MBTPS1: variants seen among roughly 807,000 people sequenced by gnomAD.
MBTPS1 encodes membrane-bound transcription factor site-1 protease.
MBTPS1 carries 94 observed loss-of-function variants against 127.8 expected under a neutral mutation model. That is an observed-to-expected ratio of 0.74 (90% confidence interval 0.62 to 0.87). The LOEUF (loss-of-function observed/expected upper bound fraction) is 0.87. MBTPS1 is among the 40% of genes least tolerant of loss of function. The pLI is 0.00. For synonymous variants in MBTPS1, 632 were observed against 509.4 expected (o/e 1.24, Z -3.24); for missense variants, 1,636 against 1,353.2 (o/e 1.21, Z -3.28).
At chr16:84,096,546 C>T (rs1012404088) in intron 3 of MBTPS1, among the ~76,000 whole-genome samples, 9 of 152,156 alleles carry the variant, frequency 5.9e-5, no homozygotes, top group African/African-American at 1.9e-4. Flanking sequence ...AAGGGTTTTC[C>T]CTTAACCTTT....
intron 12 of MBTPS1, among the ~76,000 whole-genome samples, chr16:84,074,170 G>T (rs1057509539): frequency 6.6e-6 from 1 of 151,870 alleles, no homozygotes; most frequent in African/African-American, 2.4e-5. Context: ...GACTTATTCT[G>T]TAACAGACTT....
chr16:84,090,084 C>T (rs770011495), intron 8 of MBTPS1, among the ~76,000 whole-genome samples: 3 of 152,220 alleles, frequency 2.0e-5, no homozygotes, highest in Non-Finnish European at 2.9e-5. Context: ...TGCCAATATT[C>T]ACGTTTTCTG....
Position 84,096,939 on chromosome 16 carries a change from G to C in MBTPS1, c.422-1134C>G, listed in dbSNP as rs60974248. Among the ~76,000 whole-genome samples, 1,082 of 152,270 alleles carry C rather than the reference G, an allele frequency of 7.1e-3. 10 individuals carry two copies. The highest frequency in any genetic ancestry group is 0.025 in the African/African-American group (1,025 of 41,550). On this transcript the variant is annotated intron_variant, in intron 3 of 22. Transcript: ENST00000343411. ...ATTATACTCAGTTCAGGGCTTCACA[G>C]CTTTCAAACAATTTAGAAAAATTAG... is the stretch of plus-strand genomic sequence containing the variant.
At chr16:84,089,288 A>G (rs1285252053) in intron 8 of MBTPS1, among the ~76,000 whole-genome samples, 1 of 152,264 alleles carries the variant, frequency 6.6e-6, no homozygotes, top group Non-Finnish European at 1.5e-5. Context: ...TTGCAAATAC[A>G]GCGTTCCTGG....
rs201639992 is a variant in MBTPS1, at chr16:84,054,657, C to G, written c.2963-12G>C. On this transcript the variant is annotated splice_polypyrimidine_tract_variant and intron_variant, in intron 22 of 22. Transcript: ENST00000343411. ...GCCAGGCATGATCCCTGTAAGAGGACAGCCGGTTGAACAGGCAGGAACGCC... is the reference window on the plus strand; with the variant it reads ...GCCAGGCATGATCCCTGTAAGAGGAGAGCCGGTTGAACAGGCAGGAACGCC... 1 of 1,570,094 alleles carries G rather than the reference C, an allele frequency of 6.4e-7. No homozygotes were observed. Among genetic ancestry groups the G allele is most frequent in the African/African-American group, 1.4e-5 (1 of 73,424 alleles).
chr16:84,084,310 C>G (rs958093263), intron 10 of MBTPS1, among the ~76,000 whole-genome samples: 9 of 152,204 alleles, frequency 5.9e-5, no homozygotes, highest in African/African-American at 2.2e-4. Context: ...GGGCCAGTCA[C>G]TAAGCTCCAT....
At chr16:84,097,469 G>A (rs1405009931) in intron 3 of MBTPS1, among the ~76,000 whole-genome samples, 2 of 152,160 alleles carry the variant, frequency 1.3e-5, no homozygotes, top group Admixed American at 1.3e-4. Context: ...GAACGCAGTG[G>A]GCAAGTCTCC....
chr16:84,101,492 A>G (rs2086254676), intron 2 of MBTPS1, 129 bp downstream of exon 2: 4 of 549,334 alleles, frequency 7.3e-6, no homozygotes, highest in Non-Finnish European at 1.1e-5. Context: ...CTCTGTCTCA[A>G]AAAAAAAAAA....
At chr16:84,098,485 C>A (rs2086209254) in intron 3 of MBTPS1, among the ~76,000 whole-genome samples, 1 of 152,146 alleles carries the variant, frequency 6.6e-6, no homozygotes, top group Admixed American at 6.5e-5. Flanking sequence ...TGGCGCATGC[C>A]TGTAATCCCA....
Position 84,054,551 on chromosome 16 carries a change from T to C in MBTPS1, c.3057A>G (p.Val1019=), listed in dbSNP as rs2085489984. The C allele has an allele frequency of 1.2e-6, 2 of 1,614,040 alleles. No individual in the cohort carries two copies. The highest frequency in any genetic ancestry group is 1.3e-5 in the African/African-American group (1 of 75,042). The change falls in exon 23 of 23, where the codon GTA becomes GTG. Residue 1019 remains valine, a synonymous_variant. Transcript: ENST00000343411. The part of the protein sequence containing the change: ...GAMVVLAFFV[V]QINKAKSRPK... Reference sequence around the variant, plus strand: ...GCCTGCTCTTGGCCTTGTTGATTTGTACCACAAAGAAGGCCAGGACCACCA... The same window carrying C: ...GCCTGCTCTTGGCCTTGTTGATTTGCACCACAAAGAAGGCCAGGACCACCA...
In MBTPS1 at chr16:84,090,961, T is replaced by C. The variant is rs770163164; in HGVS notation, c.964-19A>G. ...CCCACACCTACAAAAGGAGCATTTA[T>C]TTAATGAAAGTATCCCTTTCATTAA... is the stretch of plus-strand genomic sequence containing the variant. On this transcript the variant is annotated intron_variant, in intron 7 of 22. Transcript: ENST00000343411. 6 of 1,567,752 alleles carry C rather than the reference T, an allele frequency of 3.8e-6. No homozygotes were observed. Among genetic ancestry groups the C allele is most frequent in the South Asian group, 3.4e-5 (3 of 88,962 alleles).
chr16:84,113,129 A>G (rs1285347218), intron 1 of MBTPS1, among the ~76,000 whole-genome samples: 10 of 152,204 alleles, frequency 6.6e-5, no homozygotes, highest in Non-Finnish European at 1.0e-4. Context: ...ATCTGTCTAC[A>G]GCTACTTGCC....
intron 1 of MBTPS1, among the ~76,000 whole-genome samples, chr16:84,105,489 C>A (rs1372137260): frequency 2.0e-5 from 3 of 152,106 alleles, no homozygotes; most frequent in Non-Finnish European, 4.4e-5. Flanking sequence ...GGAGGGGGCA[C>A]TGCAGCAGCT....
intron 12 of MBTPS1, among the ~76,000 whole-genome samples, chr16:84,074,051 T>C (rs184317032): frequency 9.5e-4 from 144 of 152,254 alleles, no homozygotes; most frequent in Non-Finnish European, 9.6e-4. Context: ...CCTTTAATTA[T>C]AGGCGCAAAA....
chr16:84,070,095 G>C, intron 13 of MBTPS1, 57 bp from the exon 14 acceptor site: 2 of 1,422,014 alleles, frequency 1.4e-6, no homozygotes, highest in Non-Finnish European at 1.9e-6. Context: ...GAAACTTTCA[G>C]GTTTGAAAAC....
intron 21 of MBTPS1, chr16:84,057,403 T>C (rs1319397075): frequency 3.3e-5 from 5 of 152,266 alleles, no homozygotes; most frequent in African/African-American, 1.2e-4. Context: ...GTGATGGCAC[T>C]TTCTAGTGGA....
At position 84,060,749 on chromosome 16, in the gene MBTPS1, G is replaced by A. The variant is rs1279105150; in HGVS notation, c.2637C>T (p.Leu879=). 7 of 1,611,512 alleles carry A rather than the reference G, an allele frequency of 4.3e-6. No homozygotes were observed. The highest frequency in any genetic ancestry group is 1.3e-5 in the African/African-American group (1 of 74,900). Residue 879 remains leucine, a synonymous_variant, in exon 20 of 23, where the codon CTC becomes CTT. Coordinates refer to ENST00000343411, the MANE Select transcript of MBTPS1 (RefSeq NM_003791.4). ...GGCGCTGGCGGTTCCCAGAGTGACT[G>A]AGGCTAGGCGGTGTCACCCCATACG... ...YTSYGVTPPS[L]SHSGNRQRPP...
At chr16:84,084,870 C>T (rs2085997263) in intron 10 of MBTPS1, 113 bp downstream of exon 10, 1 of 1,147,418 alleles carries the variant, frequency 8.7e-7, no homozygotes, top group Non-Finnish European at 1.2e-6. Flanking sequence ...TGTGAAGGGC[C>T]TAAGCTCTCA....
At chr16:84,085,230 A>G (rs1221248995) in intron 9 of MBTPS1, 96 bp from the exon 10 acceptor site, 5 of 1,238,262 alleles carry the variant, frequency 4.0e-6, no homozygotes, top group African/African-American at 3.0e-5. Context: ...GATATGGGTT[A>G]GTTAAAAACT....
Sources: allele counts gnomAD v4.1 joint callset (sites outside exome capture counted in the v4.1 genomes callset), GRCh38; gene constraint gnomAD v4.1.1; transcripts MANE v1.5; gene names NCBI Gene and HGNC (gene_info 2026-07-23, HGNC 2026-07-21).